The following MED13L variants were observed in gnomAD, a reference collection of about 807,000 sequenced individuals.
The protein encoded by MED13L is mediator of RNA polymerase II transcription subunit 13-like.
MED13L carries 7 observed loss-of-function variants against 220.9 expected under a neutral mutation model. The ratio of observed to expected loss-of-function variants is 0.03; its 90% CI spans 0.02 to 0.06. The LOEUF is 0.06. MED13L is among the 10% of genes least tolerant of loss of function. The pLI, the probability that MED13L is intolerant of heterozygous loss-of-function variation, is 1.00. For missense variants in MED13L, 1,965 were observed against 2,760.5 expected (o/e 0.71, Z 6.46); for synonymous variants, 1,011 against 1,015.2 (o/e 1.00, Z 0.08).
intron 2 of MED13L, among the ~76,000 whole-genome samples, chr12:116,144,250 C>T (rs1877304434): frequency 6.6e-6 from 1 of 152,152 alleles, no homozygotes; most frequent in Non-Finnish European, 1.5e-5. Context: ...CAGCCATCAC[C>T]GATAAAGTCC....
At chr12:116,065,947 TAAGTA>T (rs1200736473) in intron 4 of MED13L, among the ~76,000 whole-genome samples, 2 of 152,186 alleles carry the variant, frequency 1.3e-5, no homozygotes, top group African/African-American at 4.8e-5. Flanking sequence ...TTTTTCTGCT[TAAGTA>T]GAGTGCTCTG....
At chr12:116,258,251 C>A (rs1008299274) in intron 1 of MED13L, among the ~76,000 whole-genome samples, 9 of 152,178 alleles carry the variant, frequency 5.9e-5, no homozygotes, top group African/African-American at 2.2e-4. Flanking sequence ...TGACCTTGGA[C>A]AAGCTACTTA....
At chr12:116,161,653 A>C (rs769758054) in intron 2 of MED13L, among the ~76,000 whole-genome samples, 6 of 152,224 alleles carry the variant, frequency 3.9e-5, no homozygotes, top group Non-Finnish European at 2.9e-5. Flanking sequence ...AGCAAAAGTT[A>C]CTATGGATTA....
At chr12:116,263,040 T>C (rs1872613979) in intron 1 of MED13L, among the ~76,000 whole-genome samples, 1 of 152,188 alleles carries the variant, frequency 6.6e-6, no homozygotes, top group Non-Finnish European at 1.5e-5. Flanking sequence ...AACTTGTATC[T>C]CAGGAGGCAA....
chr12:116,115,637 CTT>C (rs556957274), intron 2 of MED13L, among the ~76,000 whole-genome samples: 1 of 145,922 alleles, frequency 6.9e-6, no homozygotes, highest in African/African-American at 2.5e-5. Context: ...GAATACGTTA[CTT>C]TTTTTTTTAA....
chr12:116,156,917 C>T (rs1329733890), intron 2 of MED13L, among the ~76,000 whole-genome samples: 1 of 152,086 alleles, frequency 6.6e-6, no homozygotes, highest in African/African-American at 2.4e-5. Flanking sequence ...GATGAAAGAG[C>T]AACTAGACAG....
intron 3 of MED13L, among the ~76,000 whole-genome samples, chr12:116,101,951 T>A (rs982340293): frequency 2.0e-5 from 3 of 152,212 alleles, no homozygotes; most frequent in African/African-American, 7.2e-5. Context: ...CTAAATGACT[T>A]CACTATCCAA....
intron 2 of MED13L, among the ~76,000 whole-genome samples, chr12:116,143,322 C>G (rs559593630): frequency 6.7e-6 from 1 of 149,166 alleles, no homozygotes; most frequent in South Asian, 2.1e-4. Context: ...CACAGCAACA[C>G]CTTGTCTCAA....
At chr12:116,035,509 C>A (rs916339447) in intron 4 of MED13L, among the ~76,000 whole-genome samples, 1 of 152,044 alleles carries the variant, frequency 6.6e-6, no homozygotes, top group African/African-American at 2.4e-5. Context: ...CTCACTTAAG[C>A]TATATAATAT....
At chr12:115,961,423 G>A (rs978128320) in intron 30 of MED13L, 25 bp from the exon 31 acceptor site, 6 of 1,612,766 alleles carry the variant, frequency 3.7e-6, no homozygotes, top group Non-Finnish European at 5.1e-6. Flanking sequence ...ACACAGAGCA[G>A]GGGCGTGAGC....
In MED13L at chr12:116,031,675, A is replaced by AAAAGAAAAG. The variant is rs1880761436; in HGVS notation, c.480-9075_480-9074insCTTTTCTTT. Among the ~76,000 whole-genome samples the AAAAGAAAAG allele has an allele frequency of 1.2e-4, 8 of 68,148 alleles. 1 individual carries two copies. The highest frequency in any genetic ancestry group is 2.0e-4 in the African/African-American group (4 of 19,836). The allele number at this position is 68,148 out of a possible 152,430, so 44.7% of individuals were successfully genotyped here. On this transcript the variant is annotated intron_variant, in intron 4 of 30. Transcript: ENST00000281928. ...GGACGGGACGGGACGGGAGAAAAGA[A>AAAAGAAAAG]AAAAGAAAAGAAAAGAAAAGAAAAG...
intron 2 of MED13L, among the ~76,000 whole-genome samples, chr12:116,201,438 C>T (rs1433681562): frequency 6.6e-6 from 1 of 150,886 alleles, no homozygotes; most frequent in African/African-American, 2.4e-5. Context: ...AGACATTAAC[C>T]CCGAGAAATA....
chr12:115,980,641 A>G (rs1327995509), intron 23 of MED13L, 109 bp downstream of exon 23: 12 of 1,167,376 alleles, frequency 1.0e-5, no homozygotes, highest in Non-Finnish European at 1.5e-5. Flanking sequence ...TCTTATATCA[A>G]TGTAGAAGAC....
At chr12:116,059,868 C>T (rs112459412) in intron 4 of MED13L, among the ~76,000 whole-genome samples, 1 of 151,776 alleles carries the variant, frequency 6.6e-6, no homozygotes, top group African/African-American at 2.4e-5. Flanking sequence ...AAAGGAGGCA[C>T]GGAGAAAAAG....
chr12:116,221,773 TA>T (rs1436466557), intron 2 of MED13L, among the ~76,000 whole-genome samples: 2 of 152,178 alleles, frequency 1.3e-5, no homozygotes, highest in African/African-American at 2.4e-5. Flanking sequence ...ATAAAAAGTT[TA>T]AAAACACTCT....
intron 2 of MED13L, among the ~76,000 whole-genome samples, chr12:116,225,925 T>G (rs1222061058): frequency 2.0e-5 from 3 of 152,172 alleles, no homozygotes; most frequent in African/African-American, 7.2e-5. Context: ...AAAGAAAATA[T>G]TTTGCATATG....
intron 2 of MED13L, among the ~76,000 whole-genome samples, chr12:116,122,411 T>A (rs1405487501): frequency 1.3e-5 from 2 of 152,218 alleles, no homozygotes; most frequent in Non-Finnish European, 2.9e-5. Context: ...AGAATCTATA[T>A]TTGAAGTCAT....
intron 1 of MED13L, among the ~76,000 whole-genome samples, chr12:116,252,445 G>A (rs2138523544): frequency 6.6e-6 from 1 of 152,130 alleles, no homozygotes; most frequent in South Asian, 2.1e-4. Flanking sequence ...TGTCTGAGGT[G>A]AGAGGATCAC....
At chr12:115,984,899 G>A (rs757227968) in intron 19 of MED13L, among the ~76,000 whole-genome samples, 2 of 151,720 alleles carry the variant, frequency 1.3e-5, no homozygotes, top group Admixed American at 1.3e-4. Flanking sequence ...AGGACAAGGA[G>A]ATTCTGCTAT....
Sources: gnomAD v4.1 joint callset for allele counts (sites outside exome capture counted in the v4.1 genomes callset) on GRCh38, gnomAD v4.1.1 for gene constraint, MANE v1.5 for transcripts, NCBI Gene and HGNC (gene_info 2026-07-23, HGNC 2026-07-21) for gene names.